TOX: variants seen among roughly 807,000 people sequenced by gnomAD.
TOX encodes the protein thymocyte selection associated high mobility group box.
Under a neutral mutation model 53.7 loss-of-function variants are expected in TOX, and 11 were observed. The observed-to-expected ratio is 0.20, with a 90% CI of 0.13 to 0.34. TOX has a LOEUF of 0.34. Among genes scored for constraint, TOX ranks in the 10% least tolerant of loss-of-function variants. TOX has a pLI of 1.00. For missense variants in TOX, 570 were observed against 664.6 expected, an observed-to-expected ratio of 0.86 and a Z score of 1.56; for synonymous variants, 225 against 245.3, an observed-to-expected ratio of 0.92 and a Z score of 0.77.
chr8:58,977,740 A>C (rs1813128411), intron 1 of TOX, among the ~76,000 whole-genome samples: 1 of 152,188 alleles, frequency 6.6e-6, no homozygotes, highest in African/African-American at 2.4e-5. Flanking sequence ...GGGGAAAAAT[A>C]GGAGAGCGGC....
chr8:58,889,065 T>C (rs1408210489), intron 3 of TOX, among the ~76,000 whole-genome samples: 2 of 151,888 alleles, frequency 1.3e-5, no homozygotes, highest in African/African-American at 4.8e-5. Flanking sequence ...AAAATGTAAA[T>C]TTGTATAACA....
At chr8:58,982,533 C>A (rs1400568145) in intron 1 of TOX, among the ~76,000 whole-genome samples, 1 of 152,208 alleles carries the variant, frequency 6.6e-6, no homozygotes, top group East Asian at 1.9e-4. Context: ...ATGACTCACA[C>A]TCCTTAGTCA....
chr8:58,998,536 T>TATATATAATAAATTTATGTA (rs1554537360), intron 1 of TOX, among the ~76,000 whole-genome samples: 2 of 37,756 alleles, frequency 5.3e-5, no homozygotes, highest in Non-Finnish European at 4.3e-5. Context: ...TATATATATA[T>TATATATAATAAATTTATGTA]ATAAATTTAT....
chr8:59,016,177 T>C (rs1029662926), intron 1 of TOX, among the ~76,000 whole-genome samples: 1 of 152,194 alleles, frequency 6.6e-6, no homozygotes, highest in African/African-American at 2.4e-5. Context: ...CAAGGAATTA[T>C]ACTGGATGCC....
chr8:58,828,523 G>T (rs1308396137), intron 5 of TOX, among the ~76,000 whole-genome samples: 1 of 151,250 alleles, frequency 6.6e-6, no homozygotes, highest in Non-Finnish European at 1.5e-5. Flanking sequence ...GAAATCCTTT[G>T]GTTCAAGCAC....
chr8:58,818,134 G>A (rs1810211346), intron 6 of TOX, among the ~76,000 whole-genome samples: 1 of 151,974 alleles, frequency 6.6e-6, no homozygotes, highest in African/African-American at 2.4e-5. Context: ...CTTTTTTCAT[G>A]GATAATTAAA....
intron 2 of TOX, among the ~76,000 whole-genome samples, chr8:58,944,421 T>G (rs1812492840): frequency 1.3e-5 from 2 of 152,354 alleles, no homozygotes. Context: ...TCTTAAAACC[T>G]TAAAATTTGG....
At position 58,869,189 on chromosome 8, in the gene TOX, T is replaced by C. The variant is rs550752132; in HGVS notation, c.412-17384A>G. 1.7e-4 allele frequency among the ~76,000 whole-genome samples: 23 copies of C among 134,518 alleles called. No homozygotes were observed. In the East Asian group the frequency reaches 2.5e-3, roughly 14 times the overall value. 88.2% of individuals were successfully genotyped at this position (134,518 alleles called of 152,430 possible). ...TTGCAGTGAGCTGAGATTGCACCAC[T>C]GCACTCCAGTCTGGCAACAGAGCGA... On this transcript the variant is annotated intron_variant, in intron 3 of 8. Coordinates refer to ENST00000361421, the MANE Select transcript of TOX (RefSeq NM_014729.3).
intron 3 of TOX, among the ~76,000 whole-genome samples, chr8:58,889,934 CT>C (rs1437059210): frequency 6.6e-6 from 1 of 152,026 alleles, no homozygotes; most frequent in Non-Finnish European, 1.5e-5. Flanking sequence ...ACCTTAGAGG[CT>C]ATATATGTTA....
chr8:59,052,062 A>T (rs186573899), intron 1 of TOX, among the ~76,000 whole-genome samples: 1 of 152,338 alleles, frequency 6.6e-6, no homozygotes, highest in Admixed American at 6.5e-5. Flanking sequence ...CCTACATAAG[A>T]CAAAGCTTAC....
At chr8:59,092,347 T>C (rs7001717) in intron 1 of TOX, among the ~76,000 whole-genome samples, 1 of 134,578 alleles carries the variant, frequency 7.4e-6, no homozygotes, top group Non-Finnish European at 1.5e-5. Context: ...ATATATACAT[T>C]ATATATATTA....
chr8:58,830,963 C>A (rs1463645862), intron 5 of TOX, among the ~76,000 whole-genome samples: 2 of 152,076 alleles, frequency 1.3e-5, no homozygotes, highest in East Asian at 3.8e-4. Context: ...TCAGTTAGAG[C>A]AAGTGCATCT....
At position 58,828,579 on chromosome 8, in the gene TOX, A is replaced by G. The variant is rs546784110; in HGVS notation, c.925-1677T>C. Among the ~76,000 whole-genome samples the G allele has an allele frequency of 1.1e-4, 16 of 152,280 alleles. No individual in the cohort carries two copies. The South Asian group carries it at 2.9e-3, about 28-fold the overall frequency. ...GAGTTAATTATTGGAAGTCAAATTC[A>G]AATTCTTTTTTGGAAATTCACACGT... On this transcript the variant is annotated intron_variant, in intron 5 of 8. Transcript: ENST00000361421.
intron 8 of TOX, 96 bp downstream of exon 8, chr8:58,808,022 G>T: frequency 6.7e-7 from 1 of 1,486,296 alleles, no homozygotes; most frequent in Non-Finnish European, 9.1e-7. Flanking sequence ...AAACTATCCC[G>T]GATCATGTTT....
chr8:58,978,514 C>T (rs1447893648), intron 1 of TOX, among the ~76,000 whole-genome samples: 2 of 152,188 alleles, frequency 1.3e-5, no homozygotes, highest in East Asian at 3.8e-4. Flanking sequence ...TATTTAAACA[C>T]ATTCCCAGAT....
chr8:58,998,022 G>A (rs1336407506), intron 1 of TOX, among the ~76,000 whole-genome samples: 1 of 151,956 alleles, frequency 6.6e-6, no homozygotes, highest in Non-Finnish European at 1.5e-5. Context: ...TCGATCTCCT[G>A]ACCTCGTGAT....
At chr8:59,073,838 A>C (rs1168311573) in intron 1 of TOX, among the ~76,000 whole-genome samples, 1 of 152,162 alleles carries the variant, frequency 6.6e-6, no homozygotes, top group Admixed American at 6.5e-5. Context: ...ATATAGTCCT[A>C]AATTGTGACT....
intron 1 of TOX, among the ~76,000 whole-genome samples, chr8:58,996,718 G>T (rs1813566513): frequency 6.6e-6 from 1 of 152,112 alleles, no homozygotes; most frequent in Non-Finnish European, 1.5e-5. Flanking sequence ...CTTTTTATCG[G>T]CAATTTCTAG....
At chr8:58,894,611 G>A (rs752159054) in intron 3 of TOX, among the ~76,000 whole-genome samples, 1 of 152,074 alleles carries the variant, frequency 6.6e-6, no homozygotes, top group Non-Finnish European at 1.5e-5. Context: ...CTGGAGTTCT[G>A]GGCCAGGTGC....
Sources: allele counts gnomAD v4.1 joint callset (sites outside exome capture counted in the v4.1 genomes callset), GRCh38; gene constraint gnomAD v4.1.1; transcripts MANE v1.5; gene names NCBI Gene and HGNC (gene_info 2026-07-23, HGNC 2026-07-21).